OCA2: variants seen among roughly 807,000 people sequenced by gnomAD.
OCA2 encodes the protein P protein.
Under a neutral mutation model 100.2 loss-of-function variants are expected in OCA2, and 77 were observed. That is an observed-to-expected ratio of 0.77 (90% CI 0.64 to 0.93). OCA2 has a LOEUF of 0.93. Ranked by LOEUF, OCA2 falls within the 40% of genes least tolerant of loss-of-function variation. The probability of loss-of-function intolerance (pLI) is 0.00; values close to 1 mark genes in which losing one functional copy is unlikely to be tolerated. For synonymous variants in OCA2, 432 were observed against 439.2 expected, an observed-to-expected ratio of 0.98 and a Z score of 0.21; for missense variants, 1,062 against 1,089.1, an observed-to-expected ratio of 0.98 and a Z score of 0.35.
intron 18 of OCA2, among the ~76,000 whole-genome samples, chr15:27,941,573 A>C (rs1212471822): frequency 6.6e-6 from 1 of 152,152 alleles, no homozygotes; most frequent in Non-Finnish European, 1.5e-5. Flanking sequence ...TTTTGGAGCT[A>C]ATAAAAGGAG....
At chr15:27,738,958 A>G in the OCA2 span, among the ~76,000 whole-genome samples, 2 of 145,796 alleles carry the variant, frequency 1.4e-5, no homozygotes, top group Non-Finnish European at 3.0e-5. Flanking sequence ...AGAAGAGTCC[A>G]GCATCCCCTT....
At chr15:28,045,581 T>A (rs146834548) in intron 2 of OCA2, among the ~76,000 whole-genome samples, 199 of 152,322 alleles carry the variant, frequency 1.3e-3, no homozygotes, top group African/African-American at 4.6e-3. Context: ...CTGATGGAGC[T>A]GGAGCTCATA....
At chr15:27,899,544 C>A (rs1465679089) in intron 19 of OCA2, among the ~76,000 whole-genome samples, 1 of 152,150 alleles carries the variant, frequency 6.6e-6, no homozygotes, top group Non-Finnish European at 1.5e-5. Flanking sequence ...AAGCTTCAAC[C>A]AGCCCCATCA....
intron 21 of OCA2, among the ~76,000 whole-genome samples, chr15:27,856,701 AAC>A (rs34330347): frequency 0.12 from 17,946 of 144,910 alleles, 1,280 homozygotes; most frequent in South Asian, 0.18. Context: ...ACACACCCCT[AAC>A]ACACACACAC....
At chr15:27,906,593 C>T (rs1401449390) in intron 19 of OCA2, among the ~76,000 whole-genome samples, 2 of 152,016 alleles carry the variant, frequency 1.3e-5, no homozygotes, top group Admixed American at 1.3e-4. Flanking sequence ...ATCTCTGTTA[C>T]ATGTTCTAGT....
At chr15:27,925,999 C>A (rs554347682) in intron 19 of OCA2, 128 bp downstream of exon 19, 35 of 1,121,466 alleles carry the variant, frequency 3.1e-5, no homozygotes, top group Admixed American at 2.0e-4. Context: ...CAATTACAAC[C>A]TTCATTGTTT....
At chr15:27,972,084 T>C (rs1372194520) in intron 14 of OCA2, among the ~76,000 whole-genome samples, 2 of 152,226 alleles carry the variant, frequency 1.3e-5, no homozygotes, top group East Asian at 3.8e-4. Context: ...TGCTTTTCCA[T>C]TTCTGAGTTA....
chr15:27,777,612 C>T (rs530688062), intron 23 of OCA2, among the ~76,000 whole-genome samples: 1 of 152,316 alleles, frequency 6.6e-6, no homozygotes, highest in African/African-American at 2.4e-5. Context: ...TTCACATGCA[C>T]ATTTTTACTG....
rs113180877 is a variant in OCA2, at chr15:27,896,217, A to G, written c.2080-24295T>C. ...AGATAGAGGCTTGTCTATCCCTCAC[A>G]GTACCAAATGATTCCCTGGTTATGG... On this transcript the variant is annotated intron_variant, in intron 19 of 23. Coordinates refer to ENST00000354638, the MANE Select transcript of OCA2 (RefSeq NM_000275.3). 1,034 of 946,842 alleles carry G rather than the reference A, an allele frequency of 1.1e-3. 10 individuals are homozygous for G. In the African/African-American group the frequency reaches 0.015, roughly 14 times the overall value. The allele number at this position is 946,842 out of a possible 1,614,324, so 58.7% of individuals were successfully genotyped here.
the OCA2 span, among the ~76,000 whole-genome samples, chr15:27,740,633 G>A: frequency 3.2e-4 from 49 of 152,258 alleles, no homozygotes; most frequent in East Asian, 8.7e-3. Flanking sequence ...TGATTTCTAA[G>A]GACCTCATGG....
At chr15:28,053,741 ACT>A in intron 2 of OCA2, among the ~76,000 whole-genome samples, 1 of 152,308 alleles carries the variant, frequency 6.6e-6, no homozygotes, top group Non-Finnish European at 1.5e-5. Context: ...TGCTCTTGCA[ACT>A]AGCTGAGCCT....
intron 2 of OCA2, among the ~76,000 whole-genome samples, chr15:28,045,724 A>G (rs146646577): frequency 6.6e-6 from 1 of 152,274 alleles, no homozygotes; most frequent in East Asian, 1.9e-4. Context: ...AACTACTTAA[A>G]TCCAGGCTAC....
intron 18 of OCA2, among the ~76,000 whole-genome samples, chr15:27,927,765 G>A (rs552889020): frequency 2.9e-4 from 41 of 141,682 alleles, no homozygotes; most frequent in Middle Eastern, 3.8e-3. Context: ...TTTTTCTCAT[G>A]ACTAATGACT....
At chr15:27,788,639 G>A (rs192974739) in intron 23 of OCA2, among the ~76,000 whole-genome samples, 1 of 152,140 alleles carries the variant, frequency 6.6e-6, no homozygotes, top group African/African-American at 2.4e-5. Context: ...AGATTAGAGT[G>A]AAACCCTTTT....
rs10534274 is a variant in OCA2, at chr15:28,074,003, G to GACAC, written c.227+7641_227+7644dup. ...TACCCAAGTGATAAAATGACAGACA[G>GACAC]ACACACACACACACACACACACACA... On this transcript the variant is annotated intron_variant, in intron 2 of 23. Coordinates refer to ENST00000354638, the MANE Select transcript of OCA2 (RefSeq NM_000275.3). Among the ~76,000 whole-genome samples the GACAC allele has an allele frequency of 5.2e-3, 758 of 146,334 alleles. 7 individuals carry two copies. The highest frequency in any genetic ancestry group is 0.016 in the African/African-American group (637 of 40,386).
At chr15:27,746,750 G>A in the OCA2 span, among the ~76,000 whole-genome samples, 2 of 152,178 alleles carry the variant, frequency 1.3e-5, no homozygotes, top group Non-Finnish European at 2.9e-5. Flanking sequence ...CTTTGATGCA[G>A]CAGTGGAGAC....
chr15:27,897,363 C>T (rs1294396993), intron 19 of OCA2, among the ~76,000 whole-genome samples: 2 of 151,646 alleles, frequency 1.3e-5, no homozygotes, highest in Admixed American at 1.3e-4. Context: ...TTTCCTGGGT[C>T]GGGCCCAGCA....
chr15:27,795,924 G>A (rs192724501), intron 23 of OCA2, among the ~76,000 whole-genome samples: 78 of 152,348 alleles, frequency 5.1e-4, no homozygotes, highest in African/African-American at 1.9e-3. Flanking sequence ...TAACTTAGCA[G>A]AATGTACTTA....
chr15:27,886,250 C>G (rs1357325841), intron 19 of OCA2, among the ~76,000 whole-genome samples: 5 of 152,112 alleles, frequency 3.3e-5, no homozygotes, highest in Non-Finnish European at 7.4e-5. Flanking sequence ...GATTTTATTC[C>G]AAGTGAAAGA....
Sources: allele counts gnomAD v4.1 joint callset (sites outside exome capture counted in the v4.1 genomes callset), GRCh38; gene constraint gnomAD v4.1.1; transcripts MANE v1.5; gene names NCBI Gene and HGNC (gene_info 2026-07-23, HGNC 2026-07-21).